JAM3: variants seen among roughly 807,000 people sequenced by gnomAD.
The protein encoded by JAM3 is junctional adhesion molecule 3, also known as junctional adhesion molecule C.
In JAM3, 31 loss-of-function variants were observed where a neutral mutation model predicts 39.4. The ratio of observed to expected loss-of-function variants is 0.79; its 90% confidence interval spans 0.59 to 1.06. The LOEUF (loss-of-function observed/expected upper bound fraction) is 1.06, where lower values mean the gene tolerates loss of function less well. JAM3 is among the 50% of genes least tolerant of loss of function. JAM3 has a pLI of 0.00. For synonymous variants in JAM3, 182 were observed against 148.7 expected, an observed-to-expected ratio of 1.22 and a Z score of -1.63; for missense variants, 455 against 391.4, an observed-to-expected ratio of 1.16 and a Z score of -1.37.
rs574566796 is a variant in JAM3 at position 134,146,912 on chromosome 11, C to T, written c.712+867C>T. On this transcript the variant is annotated intron_variant, in intron 6 of 8. Coordinates refer to ENST00000299106, the MANE Select transcript of JAM3 (RefSeq NM_032801.5). ...TCCCTCCTCCCTATTTGGAGCTCTC[C>T]TCAGAGCAGCATTTTCCAAAACTGC... Among the ~76,000 whole-genome samples the T allele has an allele frequency of 1.3e-3, 199 of 152,268 alleles. 4 individuals are homozygous for T. In the South Asian group the frequency reaches 0.021, roughly 16 times the overall value.
intron 1 of JAM3, among the ~76,000 whole-genome samples, chr11:134,106,224 C>G (rs1468590513): frequency 1.3e-5 from 2 of 151,986 alleles, no homozygotes; most frequent in Non-Finnish European, 2.9e-5. Flanking sequence ...TTTGACAAAC[C>G]TGACAAAAAC....
intron 1 of JAM3, among the ~76,000 whole-genome samples, chr11:134,116,125 T>A (rs146523068): frequency 6.6e-6 from 1 of 152,194 alleles, no homozygotes; most frequent in South Asian, 2.1e-4. Context: ...AGATGGAAAT[T>A]AAGCTTCACT....
chr11:134,117,996 C>T (rs766462906), intron 1 of JAM3, among the ~76,000 whole-genome samples: 5 of 152,152 alleles, frequency 3.3e-5, no homozygotes, highest in Non-Finnish European at 7.3e-5. Flanking sequence ...AGCACACATT[C>T]CTCTCTTGGA....
chr11:134,144,205 A>G, intron 3 of JAM3, 36 bp from the exon 4 acceptor site: 1 of 1,613,592 alleles, frequency 6.2e-7, no homozygotes. Flanking sequence ...AGATTTCTTT[A>G]AAGAAGTTTT....
rs114290230 is a variant in JAM3, at chr11:134,124,927, G to A, written c.77-14924G>A. ...TGGCGAGCGGGGACCGGGCATTGAA[G>A]TCCGGCGGTGGCAGGAGCGAGGAGG... On this transcript the variant is annotated intron_variant, in intron 1 of 8. Coordinates refer to ENST00000299106, the MANE Select transcript of JAM3 (RefSeq NM_032801.5). Among the ~76,000 whole-genome samples, 1,227 of 152,366 alleles carry A rather than the reference G, an allele frequency of 8.1e-3. 14 individuals are homozygous for A. The highest frequency in any genetic ancestry group is 0.029 in the African/African-American group (1,188 of 41,594).
At chr11:134,131,601 C>T (rs1265738397) in intron 1 of JAM3, among the ~76,000 whole-genome samples, 2 of 152,100 alleles carry the variant, frequency 1.3e-5, no homozygotes, top group Admixed American at 6.5e-5. Flanking sequence ...CAGAAACTGT[C>T]CCAGAGGCAG....
intron 1 of JAM3, among the ~76,000 whole-genome samples, chr11:134,139,322 G>A (rs1392996658): frequency 6.6e-6 from 1 of 152,140 alleles, no homozygotes; most frequent in African/African-American, 2.4e-5. Context: ...ACTTCTTCGT[G>A]GACTGGAACC....
At chr11:134,134,814 T>C (rs1301069092) in intron 1 of JAM3, among the ~76,000 whole-genome samples, 4 of 152,260 alleles carry the variant, frequency 2.6e-5, no homozygotes, top group African/African-American at 9.6e-5. Flanking sequence ...CATGTCTATT[T>C]GAACTCTTTG....
At chr11:134,135,582 A>G (rs1301812484) in intron 1 of JAM3, among the ~76,000 whole-genome samples, 1 of 150,682 alleles carries the variant, frequency 6.6e-6, no homozygotes, top group Non-Finnish European at 1.5e-5. Context: ...CTGTCGCCCA[A>G]GCTGGAGTGC....
intron 1 of JAM3, among the ~76,000 whole-genome samples, chr11:134,125,139 CCGGA>C (rs1367736697): frequency 4.6e-5 from 7 of 152,218 alleles, no homozygotes; most frequent in Non-Finnish European, 7.3e-5. Flanking sequence ...CCAGCCGCTC[CCGGA>C]CGGACAACGG....
intron 5 of JAM3, 193 bp downstream of exon 5, chr11:134,145,187 A>G: frequency 3.2e-6 from 2 of 626,582 alleles, no homozygotes; most frequent in Non-Finnish European, 5.7e-6. Flanking sequence ...AGGGGGTAAA[A>G]TAAGGAAGAG....
At position 134,148,551 on chromosome 11, in the gene JAM3, C is replaced by T. The variant is rs770027732; in HGVS notation, c.717C>T (p.Asp239=). 1.2e-6 allele frequency: 2 copies of T among 1,614,128 alleles called. No homozygotes were observed. Among genetic ancestry groups the T allele is most frequent in the Non-Finnish European group, 1.7e-6 (2 of 1,180,024 alleles). The part of the protein sequence containing the change: ...RCEEQEMEVY[D]LNIGGIIGGV... ...ACCAAACCTCCTTTTCTTCAGATGA[C>T]CTGAACATTGGCGGAATTATTGGGG... The change falls in exon 7 of 9, where the codon GAC becomes GAT. Residue 239 remains aspartate, a synonymous_variant. Transcript: ENST00000299106.
At position 134,123,513 on chromosome 11, in the gene JAM3, T is replaced by C. The variant is rs557703955; in HGVS notation, c.77-16338T>C. On this transcript the variant is annotated intron_variant, in intron 1 of 8. Transcript: ENST00000299106. ...TGCTGGTTTTCCTTAGAGACCTATT[T>C]TGAAAAAGTTTAAAAAGACAGATTT... 2.6e-5 allele frequency among the ~76,000 whole-genome samples: 4 copies of C among 152,332 alleles called. No homozygotes were observed. In the East Asian group the frequency reaches 5.8e-4, roughly 22 times the overall value.
At chr11:134,114,943 T>C (rs1383532292) in intron 1 of JAM3, among the ~76,000 whole-genome samples, 1 of 152,220 alleles carries the variant, frequency 6.6e-6, no homozygotes, top group Admixed American at 6.5e-5. Flanking sequence ...AGTGTTGAAA[T>C]CTCGAACAAA....
chr11:134,074,734 C>T (rs1482823719), intron 1 of JAM3, among the ~76,000 whole-genome samples: 1 of 152,120 alleles, frequency 6.6e-6, no homozygotes, highest in Non-Finnish European at 1.5e-5. Context: ...TACTCTGTGG[C>T]AGCCCCTGGA....
chr11:134,114,365 G>T (rs1036408055), intron 1 of JAM3, among the ~76,000 whole-genome samples: 3 of 152,132 alleles, frequency 2.0e-5, no homozygotes, highest in South Asian at 2.1e-4. Context: ...TTTGTATAAG[G>T]TGTGAGGAAC....
Position 134,103,625 on chromosome 11 carries a change from G to A in JAM3, c.76+34466G>A, listed in dbSNP as rs188465131. On this transcript the variant is annotated intron_variant, in intron 1 of 8. Coordinates refer to ENST00000299106, the MANE Select transcript of JAM3 (RefSeq NM_032801.5). Reference sequence around the variant, plus strand: ...GCTGTATTCAGGAGACCCATATCATGTGCGGAGACACACATAGGCTTAAAA... The same window carrying A: ...GCTGTATTCAGGAGACCCATATCATATGCGGAGACACACATAGGCTTAAAA... Among the ~76,000 whole-genome samples, 101 of 152,264 alleles carry A rather than the reference G, an allele frequency of 6.6e-4. 1 individual carries two copies. The highest frequency in any genetic ancestry group is 1.0e-3 in the Non-Finnish European group (70 of 68,028).
At chr11:134,103,634 C>A (rs1430548581) in intron 1 of JAM3, among the ~76,000 whole-genome samples, 1 of 152,000 alleles carries the variant, frequency 6.6e-6, no homozygotes, top group Non-Finnish European at 1.5e-5. Context: ...TGTGCGGAGA[C>A]ACACATAGGC....
At chr11:134,103,725 T>A (rs1255013217) in intron 1 of JAM3, among the ~76,000 whole-genome samples, 1 of 152,120 alleles carries the variant, frequency 6.6e-6, no homozygotes. Flanking sequence ...TAGTCTCTGA[T>A]AAAACAGACT....
Sources: gnomAD v4.1 joint callset for allele counts (sites outside exome capture counted in the v4.1 genomes callset) on GRCh38, gnomAD v4.1.1 for gene constraint, MANE v1.5 for transcripts, NCBI Gene and HGNC (gene_info 2026-07-23, HGNC 2026-07-21) for gene names.